The following NCKAP5 variants were observed in gnomAD, a reference collection of about 807,000 sequenced individuals.
NCKAP5 encodes nck-associated protein 5.
Under a neutral mutation model 167.0 loss-of-function variants are expected in NCKAP5, and 92 were observed. The ratio of observed to expected loss-of-function variants is 0.55; its 90% CI spans 0.47 to 0.66. NCKAP5 has a LOEUF of 0.66. Ranked by LOEUF, NCKAP5 falls within the 30% of genes least tolerant of loss-of-function variation. The pLI is 0.00. For synonymous variants in NCKAP5, 891 were observed against 877.4 expected, an observed-to-expected ratio of 1.02 and a Z score of -0.27; for missense variants, 2,378 against 2,315.0, an observed-to-expected ratio of 1.03 and a Z score of -0.56.
intron 6 of NCKAP5, among the ~76,000 whole-genome samples, chr2:133,109,126 G>A (rs1020006026): frequency 6.6e-6 from 1 of 152,134 alleles, no homozygotes; most frequent in African/African-American, 2.4e-5. Flanking sequence ...TTCCCAGCCT[G>A]TACGATGAGG....
intron 6 of NCKAP5, among the ~76,000 whole-genome samples, chr2:133,014,843 G>T (rs774844893): frequency 7.9e-5 from 12 of 152,148 alleles, no homozygotes; most frequent in Non-Finnish European, 1.6e-4. Flanking sequence ...TCCATTGAAA[G>T]ACTTTCTAAT....
chr2:133,384,332 G>A, intron 3 of NCKAP5, among the ~76,000 whole-genome samples: 1 of 152,152 alleles, frequency 6.6e-6, no homozygotes, highest in Non-Finnish European at 1.5e-5. Flanking sequence ...CCCATTTCTT[G>A]TTTTTGTCAG....
chr2:133,089,302 A>G (rs2081095300), intron 6 of NCKAP5, among the ~76,000 whole-genome samples: 1 of 152,236 alleles, frequency 6.6e-6, no homozygotes, highest in Admixed American at 6.5e-5. Context: ...TTCATGTCAA[A>G]AATGAGAAAT....
At chr2:133,615,927 AG>A in the NCKAP5 span, among the ~76,000 whole-genome samples, 1 of 151,426 alleles carries the variant, frequency 6.6e-6, no homozygotes, top group Non-Finnish European at 1.5e-5. Context: ...CAAATGTAAA[AG>A]AACAGAAATT....
chr2:133,226,018 G>A (rs565676911), intron 4 of NCKAP5, among the ~76,000 whole-genome samples: 2 of 151,844 alleles, frequency 1.3e-5, no homozygotes, highest in South Asian at 4.2e-4. Context: ...TCTTGACCTT[G>A]TGATCCACAA....
the NCKAP5 span, among the ~76,000 whole-genome samples, chr2:133,671,236 A>AG: frequency 6.6e-6 from 1 of 150,780 alleles, no homozygotes; most frequent in Non-Finnish European, 1.5e-5. Flanking sequence ...AAAAAAAAAA[A>AG]AAAGAAAGAA....
chr2:133,081,680 TACA>T (rs2080813646), intron 6 of NCKAP5, among the ~76,000 whole-genome samples: 2 of 152,200 alleles, frequency 1.3e-5, no homozygotes, highest in Non-Finnish European at 2.9e-5. Context: ...GTGAGATGGA[TACA>T]ACATTAAATA....
At chr2:133,105,843 T>C (rs1472934457) in intron 6 of NCKAP5, among the ~76,000 whole-genome samples, 3 of 152,246 alleles carry the variant, frequency 2.0e-5, no homozygotes, top group African/African-American at 4.8e-5. Flanking sequence ...TTATATATTC[T>C]GGGATTAAGA....
At chr2:133,151,110 A>G (rs1243368472) in intron 5 of NCKAP5, among the ~76,000 whole-genome samples, 1 of 152,202 alleles carries the variant, frequency 6.6e-6, no homozygotes, top group African/African-American at 2.4e-5. Context: ...GTGCTGACTC[A>G]CAGGTGAACT....
chr2:132,770,147 C>T (rs565254705), intron 16 of NCKAP5, among the ~76,000 whole-genome samples: 9 of 152,046 alleles, frequency 5.9e-5, no homozygotes, highest in Non-Finnish European at 1.3e-4. Flanking sequence ...TTGAGTGCCC[C>T]AAACTTATAG....
intron 5 of NCKAP5, 22 bp downstream of exon 5, chr2:133,213,694 G>T (rs546131719): frequency 1.2e-6 from 2 of 1,612,748 alleles, no homozygotes; most frequent in African/African-American, 1.3e-5. Context: ...TGTGGAATGA[G>T]GGGACGGCAG....
At position 133,394,866 on chromosome 2, in the gene NCKAP5, C is replaced by T. The variant is rs553150279; in HGVS notation, c.70-91756G>A. Among the ~76,000 whole-genome samples, 5 of 152,314 alleles carry T rather than the reference C, an allele frequency of 3.3e-5. No homozygotes were observed. The South Asian group carries it at 1.0e-3, about 32-fold the overall frequency. On this transcript the variant is annotated intron_variant, in intron 3 of 19. Transcript: ENST00000409261. The stretch of plus-strand genomic sequence containing the variant: ...AAATCATGCATGAAAATGCAAAACC[C>T]ATGGTCTTGCAGGCCTCAGTGGATG...
intron 5 of NCKAP5, among the ~76,000 whole-genome samples, chr2:133,162,348 AT>A (rs1485825387): frequency 6.6e-6 from 1 of 152,252 alleles, no homozygotes. Context: ...GTGGAAAAAC[AT>A]TTTGAATTTA....
chr2:133,039,754 T>G (rs997586956), intron 6 of NCKAP5, among the ~76,000 whole-genome samples: 2 of 152,166 alleles, frequency 1.3e-5, no homozygotes, highest in Non-Finnish European at 2.9e-5. Context: ...GAACTTCTGA[T>G]TCTGACTCAA....
intron 5 of NCKAP5, among the ~76,000 whole-genome samples, chr2:133,187,579 T>C (rs778996017): frequency 2.0e-5 from 3 of 152,018 alleles, no homozygotes; most frequent in South Asian, 2.1e-4. Context: ...TAAGATTGTA[T>C]GCCAAAACTA....
intron 3 of NCKAP5, among the ~76,000 whole-genome samples, chr2:133,491,303 A>G (rs1681416084): frequency 6.6e-6 from 1 of 152,222 alleles, no homozygotes; most frequent in Non-Finnish European, 1.5e-5. Flanking sequence ...TTCTGAATCC[A>G]ACTATCACAG....
intron 3 of NCKAP5, among the ~76,000 whole-genome samples, chr2:133,351,355 T>G (rs1407981094): frequency 6.6e-6 from 1 of 152,110 alleles, no homozygotes; most frequent in African/African-American, 2.4e-5. Flanking sequence ...ACTTGTAAAC[T>G]GAGGACATTT....
intron 8 of NCKAP5, among the ~76,000 whole-genome samples, chr2:132,881,301 A>G (rs1288998666): frequency 1.3e-5 from 2 of 151,882 alleles, no homozygotes; most frequent in Non-Finnish European, 2.9e-5. Context: ...CAGCCTCCCA[A>G]GTAGCTGGGA....
chr2:132,728,770 A>T, intron 18 of NCKAP5, 46 bp downstream of exon 18: 1 of 1,593,724 alleles, frequency 6.3e-7, no homozygotes, highest in Non-Finnish European at 8.5e-7. Context: ...TTTTAGAATC[A>T]GGACCAACAG....
Sources: allele counts gnomAD v4.1 joint callset (sites outside exome capture counted in the v4.1 genomes callset), GRCh38; gene constraint gnomAD v4.1.1; transcripts MANE v1.5; gene names NCBI Gene and HGNC (gene_info 2026-07-23, HGNC 2026-07-21).